The following USH1C variants were observed in gnomAD, a reference collection of about 807,000 sequenced individuals.
USH1C encodes USH1 protein network component harmonin.
USH1C carries 90 observed loss-of-function variants against 119.3 expected under a neutral mutation model. The observed-to-expected ratio is 0.75, with a 90% CI of 0.64 to 0.90. The LOEUF (loss-of-function observed/expected upper bound fraction) is 0.90. USH1C is among the 40% of genes least tolerant of loss of function. The probability of loss-of-function intolerance (pLI) is 0.00; values close to 1 mark genes in which losing one functional copy is unlikely to be tolerated. For missense variants in USH1C, 1,165 were observed against 1,167.7 expected, an observed-to-expected ratio of 1.00 and a Z score of 0.03; for synonymous variants, 465 against 443.3, an observed-to-expected ratio of 1.05 and a Z score of -0.62.
In USH1C at chr11:17,495,691, G is replaced by T; in HGVS notation, c.2547-14C>A. The T allele has an allele frequency of 6.2e-7, 1 of 1,613,552 alleles. No homozygotes were observed. Among genetic ancestry groups the T allele is most frequent in the Non-Finnish European group, 8.5e-7 (1 of 1,179,556 alleles). On this transcript the variant is annotated splice_polypyrimidine_tract_variant and intron_variant, in intron 25 of 26. Coordinates refer to ENST00000005226, the MANE Select transcript of USH1C (RefSeq NM_153676.4). ...GGAAGAGAAGCTCTATATATACAGA[G>T]CAGAGCAAGAAACACAAAACAGGCT...
rs761482192 is a variant in USH1C, at chr11:17,495,525, G to C, written c.2655+44C>G. On this transcript the variant is annotated intron_variant, in intron 26 of 26. Coordinates refer to ENST00000005226, the MANE Select transcript of USH1C (RefSeq NM_153676.4). ...CGTGGGCAGCAGATGGCCACTGCAA[G>C]CAGCAGGGACACACAGGGCCCTGTG... The C allele has an allele frequency of 1.9e-6, 3 of 1,584,268 alleles. No individual in the cohort carries two copies. The South Asian group carries it at 3.3e-5, about 18-fold the overall frequency.
intron 1 of USH1C, among the ~76,000 whole-genome samples, chr11:17,536,619 G>A (rs1462756309): frequency 1.3e-5 from 2 of 152,166 alleles, no homozygotes; most frequent in East Asian, 3.9e-4. Context: ...CAGCTGCAGA[G>A]CTCAGCTCTT....
At chr11:17,496,623 G>T in intron 25 of USH1C, 135 bp downstream of exon 25, 1 of 1,105,268 alleles carries the variant, frequency 9.0e-7, no homozygotes. Context: ...TTTTCTAGGA[G>T]CTCTGGCTAT....
chr11:17,533,716 T>G, intron 1 of USH1C: 1 of 473,874 alleles, frequency 2.1e-6, no homozygotes. Flanking sequence ...CCCACTGTCT[T>G]ACCTGATGGT....
chr11:17,526,450 G>T lies in USH1C; in HGVS notation c.580-9C>A. 3 of 1,613,066 alleles carry T rather than the reference G, an allele frequency of 1.9e-6. No individual in the cohort carries two copies. The highest frequency in any genetic ancestry group is 2.5e-6 in the Non-Finnish European group (3 of 1,179,304). Reference sequence around the variant, plus strand: ...AGGCTGCCTCGCACGCCCTGAAAGAGAGATAGAAGCAGAATCACGGAGTGT... The same window carrying T: ...AGGCTGCCTCGCACGCCCTGAAAGATAGATAGAAGCAGAATCACGGAGTGT... On this transcript the variant is annotated splice_polypyrimidine_tract_variant and intron_variant, in intron 7 of 26. Transcript: ENST00000005226.
intron 1 of USH1C, among the ~76,000 whole-genome samples, chr11:17,534,873 CA>C (rs59152937): frequency 0.54 from 65,291 of 120,360 alleles, 16,353 homozygotes; most frequent in South Asian, 0.6. Context: ...GACTCCATCT[CA>C]AAAAAAAAAA....
chr11:17,533,347 C>T (rs982289604), intron 1 of USH1C, 25 bp from the exon 2 acceptor site: 4 of 1,574,546 alleles, frequency 2.5e-6, no homozygotes, highest in Non-Finnish European at 3.5e-6. Flanking sequence ...AGCAGAATCA[C>T]AGCTCCAGGC....
intron 16 of USH1C, among the ~76,000 whole-genome samples, chr11:17,511,337 G>GT (rs1849880319): frequency 9.3e-6 from 1 of 107,586 alleles, no homozygotes; most frequent in Non-Finnish European, 2.2e-5. Context: ...GCTAAGTTGG[G>GT]TGGGGGGGGG....
intron 14 of USH1C, 139 bp from the exon 15 acceptor site, chr11:17,516,429 T>A: frequency 2.4e-6 from 2 of 844,462 alleles, no homozygotes; most frequent in Non-Finnish European, 3.9e-6. Context: ...ACAGCAAAAC[T>A]GCACCCTCTG....
chr11:17,528,645 C>T (rs983048134), intron 4 of USH1C, among the ~76,000 whole-genome samples: 3 of 152,204 alleles, frequency 2.0e-5, no homozygotes, highest in Non-Finnish European at 4.4e-5. Context: ...GGACATGCAG[C>T]CTCCGAGGGG....
At chr11:17,532,470 T>G (rs1445331087) in intron 2 of USH1C, among the ~76,000 whole-genome samples, 1 of 152,016 alleles carries the variant, frequency 6.6e-6, no homozygotes, top group Non-Finnish European at 1.5e-5. Context: ...GCTAATTTTT[T>G]GTATTTTTTT....
intron 26 of USH1C, 140 bp downstream of exon 26, chr11:17,495,429 G>C: frequency 3.4e-6 from 3 of 881,640 alleles, no homozygotes; most frequent in South Asian, 2.7e-5. Context: ...CCAACAGCAG[G>C]CCCCAGGCAG....
intron 8 of USH1C, 98 bp from the exon 9 acceptor site, chr11:17,524,633 C>CTGCCT: frequency 1.5e-6 from 2 of 1,305,106 alleles, no homozygotes; most frequent in Non-Finnish European, 1.1e-6. Context: ...AGGCCCTTGA[C>CTGCCT]TGCCTACCTC....
rs61880339 is a variant in USH1C, at chr11:17,512,853, T to G, written c.1261-799A>C. On this transcript the variant is annotated intron_variant, in intron 15 of 26. Coordinates refer to ENST00000005226, the MANE Select transcript of USH1C (RefSeq NM_153676.4). ...CACTCACCATCAGGGTTCTAGAGGA[T>G]TTGGGGAGGGACATGAAAGGCAAAT... 7.5e-3 allele frequency among the ~76,000 whole-genome samples: 1,137 copies of G among 152,080 alleles called. 4 individuals carry two copies. The highest frequency in any genetic ancestry group is 0.012 in the Non-Finnish European group (784 of 67,964).
chr11:17,520,804 A>T, intron 14 of USH1C, 66 bp downstream of exon 14: 1 of 1,589,772 alleles, frequency 6.3e-7, no homozygotes, highest in Non-Finnish European at 8.6e-7. Context: ...GGTGGTGGTG[A>T]GGGGAGGGAG....
chr11:17,512,272 A>C (rs1472089830), intron 15 of USH1C, among the ~76,000 whole-genome samples: 1 of 152,126 alleles, frequency 6.6e-6, no homozygotes, highest in African/African-American at 2.4e-5. Context: ...AGCCAGAAAG[A>C]CTGGCTTATT....
At chr11:17,527,111 GA>G (rs1850724518) in intron 5 of USH1C, 71 bp from the exon 6 acceptor site, 1 of 1,146,644 alleles carries the variant, frequency 8.7e-7, no homozygotes, top group African/African-American at 3.1e-5. Context: ...ATGGAGTACT[GA>G]CCTGCTCCCC....
intron 4 of USH1C, among the ~76,000 whole-genome samples, chr11:17,530,080 G>A (rs141301271): frequency 2.3e-3 from 343 of 152,350 alleles, no homozygotes; most frequent in Middle Eastern, 0.014. Flanking sequence ...AGAACAAAGC[G>A]GTGTCTGTCA....
In USH1C at chr11:17,494,166, C is replaced by T. The variant is rs1849160519; in HGVS notation, c.*166G>A. 4.8e-6 allele frequency: 4 copies of T among 828,924 alleles called. No homozygotes were observed. The highest frequency in any genetic ancestry group is 1.7e-5 in the African/African-American group (1 of 58,692). The allele number at this position is 828,924 out of a possible 1,614,324, so 51.3% of individuals were successfully genotyped here. ...TCCACGTTGGCCTTCAGAAGAGTGG[C>T]CCGAGCTGTTCCTTATCTGGCCCTG... On this transcript the variant is annotated 3_prime_UTR_variant, in exon 27 of 27. Transcript: ENST00000005226.
Sources: allele counts gnomAD v4.1 joint callset (sites outside exome capture counted in the v4.1 genomes callset), GRCh38; gene constraint gnomAD v4.1.1; transcripts MANE v1.5; gene names NCBI Gene and HGNC (gene_info 2026-07-23, HGNC 2026-07-21).